The following DAB1 variants were observed in gnomAD, a reference collection of about 807,000 sequenced individuals.
DAB1 encodes DAB adaptor protein 1, also known as disabled homolog 1.
DAB1 carries 15 observed loss-of-function variants against 64.6 expected under a neutral mutation model. The ratio of observed to expected loss-of-function variants is 0.23; its 90% CI spans 0.16 to 0.36. The LOEUF is 0.36. Among genes scored for constraint, DAB1 ranks in the 10% least tolerant of loss-of-function variants. The pLI is 1.00. For synonymous variants in DAB1, 235 were observed against 251.9 expected, an observed-to-expected ratio of 0.93 and a Z score of 0.64; for missense variants, 596 against 706.7, an observed-to-expected ratio of 0.84 and a Z score of 1.78.
intron 1 of DAB1, among the ~76,000 whole-genome samples, chr1:57,404,470 G>A (rs992493364): frequency 6.6e-6 from 1 of 152,196 alleles, no homozygotes; most frequent in South Asian, 2.1e-4. Context: ...AGTGAAGGAA[G>A]AAGACTGAAA....
intron 3 of DAB1, among the ~76,000 whole-genome samples, chr1:58,497,578 T>C (rs1645824313): frequency 6.6e-6 from 1 of 151,742 alleles, no homozygotes; most frequent in Admixed American, 6.6e-5. Flanking sequence ...CTAATTATTT[T>C]GGGCAATAGC....
intron 5 of DAB1, among the ~76,000 whole-genome samples, chr1:58,020,103 A>G (rs981247976): frequency 1.3e-5 from 2 of 152,222 alleles, no homozygotes; most frequent in African/African-American, 4.8e-5. Context: ...CTAGAACCAC[A>G]GAATTATTAT....
At chr1:57,024,131 A>C (rs1646708885) in intron 10 of DAB1, among the ~76,000 whole-genome samples, 1 of 152,116 alleles carries the variant, frequency 6.6e-6, no homozygotes, top group African/African-American at 2.4e-5. Context: ...CAACACACAA[A>C]ATTTAGCAAG....
At chr1:57,116,334 C>T (rs567583965) in intron 4 of DAB1, among the ~76,000 whole-genome samples, 16 of 151,664 alleles carry the variant, frequency 1.1e-4, no homozygotes, top group East Asian at 7.8e-4. Context: ...CAGTGGCACG[C>T]GCCTGTAATC....
chr1:57,262,828 A>G (rs574340894), intron 2 of DAB1, among the ~76,000 whole-genome samples: 4 of 152,308 alleles, frequency 2.6e-5, no homozygotes, highest in South Asian at 4.1e-4. Context: ...GCATTCTCCA[A>G]TGCTGAAAAT....
intron 4 of DAB1, among the ~76,000 whole-genome samples, chr1:58,212,646 G>A (rs1040055429): frequency 1.7e-4 from 26 of 152,236 alleles, no homozygotes; most frequent in Admixed American, 1.4e-3. Flanking sequence ...AATGCAGCTG[G>A]TGGGGGAAAC....
chr1:57,856,260 C>A (rs1369043591), intron 1 of DAB1, among the ~76,000 whole-genome samples: 1 of 152,096 alleles, frequency 6.6e-6, no homozygotes, highest in African/African-American at 2.4e-5. Flanking sequence ...AGAAAAGTAG[C>A]CTCAGAGAAG....
At chr1:57,190,123 A>C (rs984386893) in intron 2 of DAB1, among the ~76,000 whole-genome samples, 2 of 152,180 alleles carry the variant, frequency 1.3e-5, no homozygotes, top group Non-Finnish European at 1.5e-5. Context: ...TTGTTAAGGA[A>C]GAGATTGCTG....
chr1:57,589,391 T>C (rs1242862149), intron 7 of DAB1, among the ~76,000 whole-genome samples: 2 of 152,170 alleles, frequency 1.3e-5, no homozygotes, highest in African/African-American at 2.4e-5. Flanking sequence ...ATAATATCTT[T>C]GATTTTTTTA....
chr1:57,462,811 T>C (rs1332096275), intron 7 of DAB1, among the ~76,000 whole-genome samples: 1 of 152,092 alleles, frequency 6.6e-6, no homozygotes, highest in African/African-American at 2.4e-5. Flanking sequence ...AGAAAACTAA[T>C]ATATAATGTA....
chr1:57,071,836 A>T (rs1651495432), intron 5 of DAB1, among the ~76,000 whole-genome samples, 195 bp from the exon 6 acceptor site: 1 of 152,220 alleles, frequency 6.6e-6, no homozygotes, highest in African/African-American at 2.4e-5. Context: ...TCAACTAATT[A>T]TATTTGCAAA....
intron 7 of DAB1, among the ~76,000 whole-genome samples, chr1:57,573,156 T>C (rs1486019156): frequency 6.6e-6 from 1 of 152,146 alleles, no homozygotes; most frequent in East Asian, 1.9e-4. Context: ...GGCACAATCA[T>C]AGCTCACTGC....
chr1:57,321,060 CG>C (rs2100764579), intron 1 of DAB1, among the ~76,000 whole-genome samples: 1 of 152,116 alleles, frequency 6.6e-6, no homozygotes, highest in Non-Finnish European at 1.5e-5. Context: ...GATGATGAAA[CG>C]AAGGTATACA....
At chr1:57,719,159 T>G (rs1557441568) in intron 6 of DAB1, among the ~76,000 whole-genome samples, 1 of 152,224 alleles carries the variant, frequency 6.6e-6, no homozygotes, top group Non-Finnish European at 1.5e-5. Flanking sequence ...GAATCCAGTG[T>G]TGGAATTAGA....
At chr1:57,553,442 G>GAAAGAAAGAGAAAGAAAGAAAGAA (rs59263518) in intron 7 of DAB1, among the ~76,000 whole-genome samples, 1 of 68,154 alleles carries the variant, frequency 1.5e-5, no homozygotes, top group Admixed American at 1.6e-4. Context: ...AAGAAAGAAA[G>GAAAGAAAGAGAAAGAAAGAAAGAA]AGAAAGAAAG....
intron 9 of DAB1, among the ~76,000 whole-genome samples, chr1:57,056,333 TAAAAAAAAA>T (rs903018252): frequency 1.7e-5 from 2 of 117,290 alleles, no homozygotes; most frequent in Non-Finnish European, 1.8e-5. Flanking sequence ...TCCTCATCTT[TAAAAAAAAA>T]AAAAAAAAAA....
chr1:58,060,811 T>C (rs1401164068), intron 5 of DAB1, among the ~76,000 whole-genome samples: 1 of 152,226 alleles, frequency 6.6e-6, no homozygotes, highest in Non-Finnish European at 1.5e-5. Context: ...GTGTCTTCCA[T>C]GATTACCTTT....
At chr1:57,584,773 T>G (rs887733260) in intron 7 of DAB1, among the ~76,000 whole-genome samples, 1 of 152,216 alleles carries the variant, frequency 6.6e-6, no homozygotes, top group African/African-American at 2.4e-5. Flanking sequence ...CAGCTTTCTG[T>G]GTTGTTAGGT....
intron 7 of DAB1, among the ~76,000 whole-genome samples, chr1:57,437,096 G>A (rs1344110738): frequency 6.6e-6 from 1 of 151,636 alleles, no homozygotes; most frequent in Admixed American, 6.6e-5. Context: ...GTTGGATGAT[G>A]GTTTGGCAGG....
Sources: allele counts gnomAD v4.1 joint callset (sites outside exome capture counted in the v4.1 genomes callset), GRCh38; gene constraint gnomAD v4.1.1; transcripts MANE v1.5; gene names NCBI Gene and HGNC (gene_info 2026-07-23, HGNC 2026-07-21).